Variants in DIAPH2 observed in about 807,000 individuals in gnomAD.
DIAPH2 encodes the protein diaphanous related formin 2.
A neutral mutation model predicts 92.7 loss-of-function variants in DIAPH2; 35 were observed. The observed-to-expected ratio is 0.38, with a 90% CI of 0.29 to 0.50. The LOEUF is 0.50. Among genes scored for constraint, DIAPH2 ranks in the 20% least tolerant of loss-of-function variants. The pLI, the probability that DIAPH2 is intolerant of heterozygous loss-of-function variation, is 0.94. For synonymous variants in DIAPH2, 301 were observed against 280.4 expected, an observed-to-expected ratio of 1.07 and a Z score of -0.73; for missense variants, 701 against 819.5, an observed-to-expected ratio of 0.86 and a Z score of 1.77.
At chrX:97,231,541 A>G (rs1410458694) in intron 22 of DIAPH2, among the ~76,000 whole-genome samples, 1 of 111,770 alleles carries the variant, frequency 8.9e-6, no homozygotes. Flanking sequence ...GTATCCATGT[A>G]ACTTATGAAT....
intron 22 of DIAPH2, among the ~76,000 whole-genome samples, chrX:97,199,225 A>ATG (rs754774694): frequency 1.1e-3 from 60 of 54,296 alleles, no homozygotes; most frequent in African/African-American, 5.5e-3. Context: ...TAACATATGT[A>ATG]TATGTGTGTG....
intron 16 of DIAPH2, among the ~76,000 whole-genome samples, chrX:96,960,381 T>G (rs1368896563): frequency 9.0e-6 from 1 of 111,274 alleles, no homozygotes; most frequent in Non-Finnish European, 1.9e-5. Context: ...TAAATGAGAT[T>G]GCCTTTTTAT....
chrX:96,973,688 C>CTTTTTT (rs1169211955), intron 17 of DIAPH2, among the ~76,000 whole-genome samples: 32 of 46,687 alleles, frequency 6.9e-4, no homozygotes, highest in Non-Finnish European at 7.6e-4. Context: ...TGAATATTTG[C>CTTTTTT]TTTTTTTTTT....
intron 5 of DIAPH2, among the ~76,000 whole-genome samples, chrX:96,906,414 T>A (rs1200563313): frequency 8.9e-6 from 1 of 112,674 alleles, no homozygotes; most frequent in Admixed American, 9.3e-5. Flanking sequence ...AAATTCATAC[T>A]GCATTTTGGA....
chrX:96,829,502 G>C (rs1016300763), intron 4 of DIAPH2, among the ~76,000 whole-genome samples: 3 of 108,532 alleles, frequency 2.8e-5, no homozygotes, highest in Non-Finnish European at 5.7e-5. Flanking sequence ...TTTTTTGTTT[G>C]TTTGTTTTTG....
At chrX:97,572,544 T>TA (rs1457333627) in intron 26 of DIAPH2, among the ~76,000 whole-genome samples, 1 of 111,694 alleles carries the variant, frequency 9.0e-6, no homozygotes, top group Non-Finnish European at 1.9e-5. Context: ...TGCCAAAATC[T>TA]AAAATTTTAA....
At chrX:97,413,684 T>C (rs1341490341) in intron 25 of DIAPH2, among the ~76,000 whole-genome samples, 1 of 112,209 alleles carries the variant, frequency 8.9e-6, no homozygotes, top group Non-Finnish European at 1.9e-5. Context: ...CATAAGCTGA[T>C]AATCAACTTC....
chrX:97,336,880 A>C (rs752021887), intron 23 of DIAPH2, among the ~76,000 whole-genome samples: 2 of 111,650 alleles, frequency 1.8e-5, no homozygotes, highest in Admixed American at 1.9e-4. Flanking sequence ...TGTACTTCTT[A>C]TCTCTCTAAT....
intron 22 of DIAPH2, among the ~76,000 whole-genome samples, chrX:97,185,497 A>ATGTG (rs2067594857): frequency 6.0e-5 from 3 of 50,097 alleles, no homozygotes; most frequent in African/African-American, 3.0e-4. Context: ...ATATATATAT[A>ATGTG]TATATATATA....
rs1282892279 is a variant in DIAPH2 at position 97,453,390 on chromosome X, AG to A, written c.3241+23646del. 5.6e-3 allele frequency among the ~76,000 whole-genome samples: 621 copies of A among 110,463 alleles called. 2 individuals carry two copies. Among genetic ancestry groups the A allele is most frequent in the African/African-American group, 0.019 (593 of 30,485 alleles). Reference sequence around the variant, plus strand: ...TAGAAAATCAGTACAGCTTTTCCCTAGAAGAGATTCAGAAAGTAAATGACAT... The same window carrying A: ...TAGAAAATCAGTACAGCTTTTCCCTAAAGAGATTCAGAAAGTAAATGACAT... On this transcript the variant is annotated intron_variant, in intron 26 of 26. Coordinates refer to ENST00000324765, the MANE Select transcript of DIAPH2 (RefSeq NM_006729.5).
intron 4 of DIAPH2, among the ~76,000 whole-genome samples, chrX:96,848,775 A>G (rs2064989041): frequency 8.9e-6 from 1 of 112,268 alleles, no homozygotes; most frequent in Non-Finnish European, 1.9e-5. Flanking sequence ...TTTTTTGGAA[A>G]AAGTATGAAA....
chrX:96,947,772 CAG>C (rs1003933741), intron 14 of DIAPH2, among the ~76,000 whole-genome samples: 1 of 111,900 alleles, frequency 8.9e-6, no homozygotes, highest in Non-Finnish European at 1.9e-5. Context: ...CTTTTAGAAA[CAG>C]AAATAACATT....
chrX:97,275,750 T>C (rs1320729713), intron 23 of DIAPH2, among the ~76,000 whole-genome samples: 2 of 83,191 alleles, frequency 2.4e-5, no homozygotes, highest in African/African-American at 9.4e-5. Flanking sequence ...CCTCACTTCC[T>C]AGACGGGATG....
At chrX:96,816,861 GGTACATATACACAATGGA>G (rs2064739563) in intron 4 of DIAPH2, among the ~76,000 whole-genome samples, 1 of 112,025 alleles carries the variant, frequency 8.9e-6, no homozygotes, top group Non-Finnish European at 1.9e-5. Flanking sequence ...AAGAAAATGT[GGTACATATACACAATGGA>G]GTACTATTCA....
chrX:97,359,416 GAGTA>G (rs777398272), intron 24 of DIAPH2, among the ~76,000 whole-genome samples: 15 of 109,881 alleles, frequency 1.4e-4, no homozygotes, highest in African/African-American at 5.0e-4. Context: ...TTTAAAATGA[GAGTA>G]AGTGTCCTAT....
chrX:97,161,257 T>C (rs921019514), intron 22 of DIAPH2, among the ~76,000 whole-genome samples: 1 of 110,401 alleles, frequency 9.1e-6, no homozygotes, highest in African/African-American at 3.3e-5. Context: ...CCTTATGATG[T>C]AGATAATACT....
At chrX:97,486,026 A>AG (rs1027437168) in intron 26 of DIAPH2, among the ~76,000 whole-genome samples, 27 of 110,437 alleles carry the variant, frequency 2.4e-4, no homozygotes, top group Middle Eastern at 4.7e-3. Context: ...AAATAAAAAA[A>AG]AAAAAAGAAA....
At chrX:97,320,899 A>G (rs1230093748) in intron 23 of DIAPH2, among the ~76,000 whole-genome samples, 1 of 111,540 alleles carries the variant, frequency 9.0e-6, no homozygotes, top group Non-Finnish European at 1.9e-5. Context: ...TAAAAAGAAA[A>G]GTATAAAAAA....
At chrX:96,892,406 A>G (rs1345709521) in intron 5 of DIAPH2, among the ~76,000 whole-genome samples, 1 of 112,003 alleles carries the variant, frequency 8.9e-6, no homozygotes, top group Admixed American at 9.5e-5. Flanking sequence ...GAATAGCACT[A>G]GTATATTTAT....
Sources: gnomAD v4.1 joint callset for allele counts (sites outside exome capture counted in the v4.1 genomes callset) on GRCh38, gnomAD v4.1.1 for gene constraint, MANE v1.5 for transcripts, NCBI Gene and HGNC (gene_info 2026-07-23, HGNC 2026-07-21) for gene names.